The following AUTS2 variants were observed in gnomAD, a reference collection of about 807,000 sequenced individuals.
The protein encoded by AUTS2 is activator of transcription and developmental regulator AUTS2.
In AUTS2, 17 loss-of-function variants were observed where a neutral mutation model predicts 112.4. The ratio of observed to expected loss-of-function variants is 0.15; its 90% CI spans 0.10 to 0.23. The LOEUF (loss-of-function observed/expected upper bound fraction) is 0.23. AUTS2 is among the 10% of genes least tolerant of loss of function. AUTS2 has a pLI of 1.00. For synonymous variants in AUTS2, 751 were observed against 702.7 expected (o/e 1.07, Z -1.09); for missense variants, 1,510 against 1,701.6 (o/e 0.89, Z 1.98).
chr7:70,161,895 A>G (rs2129577509), intron 4 of AUTS2, among the ~76,000 whole-genome samples: 1 of 152,258 alleles, frequency 6.6e-6, no homozygotes, highest in Admixed American at 6.5e-5. Context: ...TCAAAGAAAA[A>G]TACTGTTGGA....
chr7:70,646,113 G>A (rs1806145949), intron 5 of AUTS2, among the ~76,000 whole-genome samples: 1 of 152,310 alleles, frequency 6.6e-6, no homozygotes, highest in South Asian at 2.1e-4. Flanking sequence ...TTTTGAAACT[G>A]TAAAATGCAT....
chr7:70,222,944 A>G (rs955305490), intron 4 of AUTS2, among the ~76,000 whole-genome samples: 3 of 150,502 alleles, frequency 2.0e-5, no homozygotes, highest in African/African-American at 4.9e-5. Context: ...CTGGAGTGCA[A>G]TGGCGTGATC....
rs1023366020 is a variant in AUTS2 at position 70,054,129 on chromosome 7, G to T, written c.523-64003G>T. 3.9e-5 allele frequency among the ~76,000 whole-genome samples: 6 copies of T among 152,114 alleles called. No individual in the cohort carries two copies. In the East Asian group the frequency reaches 1.2e-3, roughly 29 times the overall value. Reference sequence around the variant, plus strand: ...CTAGCCACATATGCATTTGATATGTGGCTAGTGTGATCCTAAGGAACTGAA... The same window carrying T: ...CTAGCCACATATGCATTTGATATGTTGCTAGTGTGATCCTAAGGAACTGAA... On this transcript the variant is annotated intron_variant, in intron 2 of 18. Coordinates refer to ENST00000342771, the MANE Select transcript of AUTS2 (RefSeq NM_015570.4).
chr7:69,677,586 A>G (rs965881243), intron 1 of AUTS2, among the ~76,000 whole-genome samples: 1 of 152,228 alleles, frequency 6.6e-6, no homozygotes, highest in African/African-American at 2.4e-5. Flanking sequence ...TTGTTAGGGA[A>G]ATGGTAATGC....
chr7:69,689,748 A>G (rs1797242433), intron 1 of AUTS2, among the ~76,000 whole-genome samples: 1 of 148,452 alleles, frequency 6.7e-6, no homozygotes, highest in Non-Finnish European at 1.5e-5. Context: ...CATGATCTTG[A>G]CTCACTGCAA....
In AUTS2 at chr7:70,303,434, G is replaced by GCACACACACACACACA. The variant is rs1427875852; in HGVS notation, c.661-132314_661-132313insCACACACACACACACA. ...CACGCACACACACACGCGCGCGCGCGCACATACACACACACACACACACAC... is the reference window on the plus strand; with the variant it reads ...CACGCACACACACACGCGCGCGCGCGCACACACACACACACACACATACACACACACACACACACAC... On this transcript the variant is annotated intron_variant, in intron 4 of 18. Coordinates refer to ENST00000342771, the MANE Select transcript of AUTS2 (RefSeq NM_015570.4). Among the ~76,000 whole-genome samples the GCACACACACACACACA allele has an allele frequency of 3.4e-3, 478 of 142,038 alleles. 3 individuals are homozygous for GCACACACACACACACA. Among genetic ancestry groups the GCACACACACACACACA allele is most frequent in the East Asian group, 0.019 (90 of 4,718 alleles). 93.2% of individuals were successfully genotyped at this position (142,038 alleles called of 152,430 possible). A position where few individuals can be genotyped will look rare whatever the true frequency, so the allele number is the denominator to read the frequency against.
At chr7:69,761,091 ACT>A (rs1305581371) in intron 1 of AUTS2, among the ~76,000 whole-genome samples, 2 of 152,122 alleles carry the variant, frequency 1.3e-5, no homozygotes, top group African/African-American at 4.8e-5. Flanking sequence ...TTTCCCCTCT[ACT>A]AGCTTGGGGT....
chr7:69,997,322 A>C (rs369858584), intron 2 of AUTS2, among the ~76,000 whole-genome samples: 1 of 152,292 alleles, frequency 6.6e-6, no homozygotes, highest in African/African-American at 2.4e-5. Flanking sequence ...TTGGGGATGC[A>C]ATACCTTTTC....
intron 2 of AUTS2, among the ~76,000 whole-genome samples, chr7:70,052,909 A>G (rs1421204295): frequency 4.6e-5 from 7 of 152,190 alleles, no homozygotes; most frequent in Non-Finnish European, 1.0e-4. Flanking sequence ...TGCTTTCTGT[A>G]TGAGATAATA....
intron 5 of AUTS2, among the ~76,000 whole-genome samples, chr7:70,466,746 C>T (rs1004598065): frequency 2.0e-5 from 3 of 152,106 alleles, no homozygotes; most frequent in Admixed American, 6.5e-5. Context: ...AGATTGTGTG[C>T]GTGTGTGCAG....
At chr7:69,889,625 G>A (rs557460711) in intron 1 of AUTS2, among the ~76,000 whole-genome samples, 1 of 152,266 alleles carries the variant, frequency 6.6e-6, no homozygotes, top group African/African-American at 2.4e-5. Flanking sequence ...TCGGAAAAAT[G>A]TCTAGTCAGA....
intron 1 of AUTS2, among the ~76,000 whole-genome samples, chr7:69,621,675 A>G (rs1358843498): frequency 6.6e-6 from 1 of 152,208 alleles, no homozygotes; most frequent in Non-Finnish European, 1.5e-5. Context: ...CTGTGGATGA[A>G]CTACATTAAA....
chr7:70,172,369 C>A (rs1397286079), intron 4 of AUTS2, among the ~76,000 whole-genome samples: 2 of 152,200 alleles, frequency 1.3e-5, no homozygotes, highest in African/African-American at 4.8e-5. Flanking sequence ...GTAAGGTAAT[C>A]CCAGACAACC....
chr7:70,404,506 A>G (rs73442744), intron 4 of AUTS2, among the ~76,000 whole-genome samples: 2,210 of 152,308 alleles, frequency 0.015, 71 homozygotes, highest in African/African-American at 0.051. Flanking sequence ...TCAGAGGGAT[A>G]TGATGTACCT....
rs71530002 is a variant in AUTS2, at chr7:70,486,001, TAATA to T, written c.690+50247_690+50250del. Among the ~76,000 whole-genome samples, 387 of 122,482 alleles carry T rather than the reference TAATA, an allele frequency of 3.2e-3. 4 individuals carry two copies. Among genetic ancestry groups the T allele is most frequent in the African/African-American group, 7.9e-3 (267 of 33,932 alleles). The allele number at this position is 122,482 out of a possible 152,430, so 80.4% of individuals were successfully genotyped here. A position where few individuals can be genotyped will look rare whatever the true frequency, so the allele number is the denominator to read the frequency against. Reference sequence around the variant, plus strand: ...AAACCTTAATTAAAAAATAAATAAATAATAAATAAATAAATAAATAAATAAATAA... The same window carrying T: ...AAACCTTAATTAAAAAATAAATAAATAATAAATAAATAAATAAATAAATAA... On this transcript the variant is annotated intron_variant, in intron 5 of 18. Coordinates refer to ENST00000342771, the MANE Select transcript of AUTS2 (RefSeq NM_015570.4).
intron 2 of AUTS2, among the ~76,000 whole-genome samples, chr7:69,931,638 G>A (rs1318775459): frequency 6.6e-6 from 1 of 152,258 alleles, no homozygotes; most frequent in South Asian, 2.1e-4. Flanking sequence ...TCAGTCAGGG[G>A]TTTCTTCCTT....
At chr7:69,904,239 C>T (rs1481053222) in intron 2 of AUTS2, among the ~76,000 whole-genome samples, 1 of 152,206 alleles carries the variant, frequency 6.6e-6, no homozygotes, top group Non-Finnish European at 1.5e-5. Flanking sequence ...TGTTTGCTAC[C>T]AGAGGCTGGT....
chr7:70,365,955 A>C (rs1289441614), intron 4 of AUTS2, among the ~76,000 whole-genome samples: 1 of 152,252 alleles, frequency 6.6e-6, no homozygotes, highest in Admixed American at 6.5e-5. Context: ...CCAAAGAGCC[A>C]CTGATTGGTT....
chr7:70,218,062 G>T lies in AUTS2; in HGVS notation c.660+83491G>T, dbSNP rs181218255. 2.0e-5 allele frequency among the ~76,000 whole-genome samples: 3 copies of T among 152,202 alleles called. No individual in the cohort carries two copies. The East Asian group carries it at 5.8e-4, about 29-fold the overall frequency. ...CAGGAAAGATGCAGCAAGATGGTCT[G>T]CAGGCCTGCCCATGCATACACTACT... On this transcript the variant is annotated intron_variant, in intron 4 of 18. Transcript: ENST00000342771.
Sources: gnomAD v4.1 joint callset for allele counts (sites outside exome capture counted in the v4.1 genomes callset) on GRCh38, gnomAD v4.1.1 for gene constraint, MANE v1.5 for transcripts, NCBI Gene and HGNC (gene_info 2026-07-23, HGNC 2026-07-21) for gene names.